The following BABAM2 variants were observed in gnomAD, a reference collection of about 807,000 sequenced individuals.
BABAM2 encodes BRISC and BRCA1 A complex member 2.
Under a neutral mutation model 54.7 loss-of-function variants are expected in BABAM2, and 31 were observed. The ratio of observed to expected loss-of-function variants is 0.57; its 90% confidence interval spans 0.43 to 0.77. The LOEUF is 0.77. BABAM2 is among the 30% of genes least tolerant of loss of function. BABAM2 has a pLI of 0.00. For synonymous variants in BABAM2, 167 were observed against 162.9 expected (o/e 1.03, Z -0.19); for missense variants, 364 against 455.8 (o/e 0.80, Z 1.83).
chr2:27,898,465 T>G (rs1156847705), intron 2 of BABAM2, among the ~76,000 whole-genome samples: 1 of 152,182 alleles, frequency 6.6e-6, no homozygotes, highest in East Asian at 1.9e-4. Flanking sequence ...TGGATCTCAA[T>G]TTTTTATCCA....
At chr2:28,266,152 G>A (rs988901351) in intron 10 of BABAM2, among the ~76,000 whole-genome samples, 13 of 151,954 alleles carry the variant, frequency 8.6e-5, no homozygotes, top group Non-Finnish European at 1.0e-4. Context: ...GCTCGGCTAA[G>A]TTTTTTGTAT....
intron 3 of BABAM2, among the ~76,000 whole-genome samples, chr2:27,934,706 A>T (rs1262008761): frequency 3.3e-5 from 5 of 152,256 alleles, no homozygotes; most frequent in African/African-American, 1.2e-4. Context: ...TAAACACATG[A>T]ATTATAAGAC....
intron 10 of BABAM2, among the ~76,000 whole-genome samples, chr2:28,271,653 G>T (rs1026665980): frequency 2.0e-5 from 3 of 152,116 alleles, no homozygotes; most frequent in African/African-American, 7.2e-5. Flanking sequence ...AAATATAGAA[G>T]GCATGTATCA....
In BABAM2 at chr2:28,273,978, G is replaced by A. The variant is rs181259468; in HGVS notation, c.935-24360G>A. 4.6e-3 allele frequency among the ~76,000 whole-genome samples: 699 copies of A among 152,322 alleles called. 4 individuals are homozygous for A. The highest frequency in any genetic ancestry group is 7.1e-3 in the Non-Finnish European group (481 of 68,030). ...GGCGTCATGTGCTATAGAAATGCAA[G>A]GTGTTACTCATTCCTGTGTTTGCCA... On this transcript the variant is annotated intron_variant, in intron 10 of 11. Transcript: ENST00000379624.
chr2:28,122,225 T>C (rs147174504), intron 6 of BABAM2, among the ~76,000 whole-genome samples: 106 of 152,176 alleles, frequency 7.0e-4, no homozygotes, highest in African/African-American at 2.4e-3. Context: ...TCATAACTTT[T>C]GTATGATGAA....
rs796180311 is a variant in BABAM2 at position 27,961,093 on chromosome 2, A to AT, written c.206-26890dup. 9.3e-4 allele frequency among the ~76,000 whole-genome samples: 138 copies of AT among 149,122 alleles called. 1 individual carries two copies. Among genetic ancestry groups the AT allele is most frequent in the African/African-American group, 1.6e-3 (64 of 40,698 alleles). On this transcript the variant is annotated intron_variant, in intron 3 of 11. Coordinates refer to ENST00000379624, the MANE Select transcript of BABAM2 (RefSeq NM_199191.3). Reference sequence around the variant, plus strand: ...TAGGAGTAACAACTTGTGGTTGGTTATTTTTTTTTTGTTTCTGAGGACAGA... The same window carrying AT: ...TAGGAGTAACAACTTGTGGTTGGTTATTTTTTTTTTTGTTTCTGAGGACAGA...
chr2:27,906,786 G>T (rs1666214821), intron 2 of BABAM2, among the ~76,000 whole-genome samples: 1 of 151,594 alleles, frequency 6.6e-6, no homozygotes, highest in South Asian at 2.1e-4. Flanking sequence ...TCTATTCCTG[G>T]CTCCACTTTA....
chr2:27,917,036 T>G (rs1414340591), intron 2 of BABAM2, among the ~76,000 whole-genome samples: 8 of 96,856 alleles, frequency 8.3e-5, no homozygotes, highest in East Asian at 2.4e-4. Context: ...TTTTTTTTTT[T>G]GTGACAGAGG....
chr2:28,042,562 A>G (rs1317522043), intron 5 of BABAM2, among the ~76,000 whole-genome samples: 2 of 152,166 alleles, frequency 1.3e-5, no homozygotes, highest in African/African-American at 2.4e-5. Flanking sequence ...GAATTTGGCA[A>G]TGGGGAGGTC....
chr2:28,265,839 A>AT (rs1205560891), intron 10 of BABAM2, among the ~76,000 whole-genome samples: 1 of 152,100 alleles, frequency 6.6e-6, no homozygotes, highest in Non-Finnish European at 1.5e-5. Flanking sequence ...TATTCACCTA[A>AT]TTTTTTAAAT....
At chr2:28,190,053 A>G (rs1676734434) in intron 7 of BABAM2, among the ~76,000 whole-genome samples, 1 of 152,218 alleles carries the variant, frequency 6.6e-6, no homozygotes, top group Non-Finnish European at 1.5e-5. Flanking sequence ...AAGGATAATC[A>G]TTTCAACAAA....
chr2:28,152,535 T>TA (rs1321585841), intron 7 of BABAM2, among the ~76,000 whole-genome samples: 1 of 152,178 alleles, frequency 6.6e-6, no homozygotes, highest in Non-Finnish European at 1.5e-5. Flanking sequence ...TCCTCGGTTT[T>TA]ACTGTGAAGG....
chr2:27,985,122 G>T (rs1672312519), intron 3 of BABAM2, among the ~76,000 whole-genome samples: 1 of 147,212 alleles, frequency 6.8e-6, no homozygotes, highest in Non-Finnish European at 1.5e-5. Context: ...TTATCCGCTT[G>T]TTGACTGATG....
chr2:28,195,010 A>G (rs1265761377), intron 7 of BABAM2, among the ~76,000 whole-genome samples: 2 of 152,184 alleles, frequency 1.3e-5, no homozygotes, highest in East Asian at 1.9e-4. Flanking sequence ...TAGACATTTT[A>G]AATGGGGATC....
At chr2:28,219,793 A>G (rs1680232228) in intron 7 of BABAM2, among the ~76,000 whole-genome samples, 1 of 152,226 alleles carries the variant, frequency 6.6e-6, no homozygotes, top group Admixed American at 6.5e-5. Flanking sequence ...CAGAGCCTCA[A>G]AAATAGTGCT....
At chr2:27,990,266 T>C (rs1316706914) in intron 4 of BABAM2, among the ~76,000 whole-genome samples, 2 of 152,198 alleles carry the variant, frequency 1.3e-5, no homozygotes, top group African/African-American at 4.8e-5. Flanking sequence ...TTGATGGTTA[T>C]TGTTGTCTGA....
chr2:28,312,176 G>A (rs1378849159), intron 11 of BABAM2, among the ~76,000 whole-genome samples: 1 of 152,164 alleles, frequency 6.6e-6, no homozygotes, highest in Non-Finnish European at 1.5e-5. Context: ...AAGCATCAAA[G>A]AACCATCAGG....
intron 6 of BABAM2, among the ~76,000 whole-genome samples, chr2:28,086,593 G>A (rs1242025349): frequency 6.6e-6 from 1 of 152,136 alleles, no homozygotes; most frequent in East Asian, 1.9e-4. Flanking sequence ...CCTGAAGGAA[G>A]GAGAATATTG....
intron 7 of BABAM2, among the ~76,000 whole-genome samples, chr2:28,158,587 CATGCTTGA>C (rs1310088024): frequency 6.6e-6 from 1 of 152,214 alleles, no homozygotes; most frequent in Non-Finnish European, 1.5e-5. Flanking sequence ...TGGCAATATC[CATGCTTGA>C]ATTTGTATTC....
Sources: gnomAD v4.1 joint callset for allele counts (sites outside exome capture counted in the v4.1 genomes callset) on GRCh38, gnomAD v4.1.1 for gene constraint, MANE v1.5 for transcripts, NCBI Gene and HGNC (gene_info 2026-07-23, HGNC 2026-07-21) for gene names.